The following ZFPM2 variants were observed in gnomAD, a reference collection of about 807,000 sequenced individuals.
The protein encoded by ZFPM2 is zinc finger protein ZFPM2.
ZFPM2 carries 20 observed loss-of-function variants against 98.6 expected under a neutral mutation model. The ratio of observed to expected loss-of-function variants is 0.20; its 90% CI spans 0.14 to 0.29. The LOEUF is 0.29. ZFPM2 is among the 10% of genes least tolerant of loss of function. The pLI, the probability that ZFPM2 is intolerant of heterozygous loss-of-function variation, is 1.00. For missense variants in ZFPM2, 1,310 were observed against 1,388.6 expected (o/e 0.94, Z 0.90); for synonymous variants, 518 against 502.7 (o/e 1.03, Z -0.41).
intron 5 of ZFPM2, among the ~76,000 whole-genome samples, chr8:105,735,910 A>T (rs1812059400): frequency 6.6e-6 from 1 of 152,020 alleles, no homozygotes; most frequent in Non-Finnish European, 1.5e-5. Flanking sequence ...AGGGAAAGCA[A>T]GCTAGCACCT....
chr8:105,556,998 AC>A (rs1815010074), intron 3 of ZFPM2, among the ~76,000 whole-genome samples: 1 of 152,244 alleles, frequency 6.6e-6, no homozygotes, highest in Non-Finnish European at 1.5e-5. Flanking sequence ...TGCTAGTATT[AC>A]AGGCCTGAGC....
intron 3 of ZFPM2, among the ~76,000 whole-genome samples, chr8:105,487,892 GTCTATCTA>G (rs752314176): frequency 5.6e-4 from 58 of 103,446 alleles, no homozygotes; most frequent in South Asian, 1.7e-3. Flanking sequence ...AAGTCTGTCT[GTCTATCTA>G]TCTATCTATC....
Position 105,322,570 on chromosome 8 carries a change from T to C in ZFPM2, c.40+3589T>C, listed in dbSNP as rs536929436. On this transcript the variant is annotated intron_variant, in intron 1 of 7. Transcript: ENST00000407775. ...GTATAAGATTAGGAAAAGGCACTCT[T>C]CTTTATACCATAAAAGTAGAGTTTT... Among the ~76,000 whole-genome samples, 5 of 152,246 alleles carry C rather than the reference T, an allele frequency of 3.3e-5. No homozygotes were observed. The East Asian group carries it at 9.7e-4, about 29-fold the overall frequency.
rs192139001 is a variant in ZFPM2 at position 105,535,174 on chromosome 8, G to A, written c.302-26189G>A. On this transcript the variant is annotated intron_variant, in intron 3 of 7. Transcript: ENST00000407775. ...TAAATAAATAACTACTTTATGTTAC[G>A]ATCCAGATTTCCATAGAAGCTTCAT... Among the ~76,000 whole-genome samples, 18 of 152,226 alleles carry A rather than the reference G, an allele frequency of 1.2e-4. No homozygotes were observed. In the East Asian group the frequency reaches 3.1e-3, roughly 26 times the overall value.
intron 2 of ZFPM2, among the ~76,000 whole-genome samples, chr8:105,444,068 CTTCA>C (rs1563661542): frequency 1.3e-5 from 2 of 152,146 alleles, no homozygotes; most frequent in African/African-American, 2.4e-5. Flanking sequence ...TAGTACTTAA[CTTCA>C]TTCATTTATT....
Position 105,318,800 on chromosome 8 carries a change from GC to G in ZFPM2, c.-139del, listed in dbSNP as rs1462002069. 2 of 265,976 alleles carry G rather than the reference GC, an allele frequency of 7.5e-6. No individual in the cohort carries two copies. Among genetic ancestry groups the G allele is most frequent in the Non-Finnish European group, 1.2e-5 (2 of 173,698 alleles). 16.5% of individuals were successfully genotyped at this position (265,976 alleles called of 1,614,324 possible). On this transcript the variant is annotated 5_prime_UTR_variant, in exon 1 of 8. Coordinates refer to ENST00000407775, the MANE Select transcript of ZFPM2 (RefSeq NM_012082.4). ...TCCGCGGCTCCCGGAGGAGCCCAGCGCCCGGAGCACCTGGAGTCCGGCCGGC... is the reference window on the plus strand; with the variant it reads ...TCCGCGGCTCCCGGAGGAGCCCAGCGCCGGAGCACCTGGAGTCCGGCCGGC...
intron 1 of ZFPM2, among the ~76,000 whole-genome samples, chr8:105,394,185 G>A (rs1285991446): frequency 1.3e-5 from 2 of 152,010 alleles, no homozygotes; most frequent in Admixed American, 6.6e-5. Flanking sequence ...GAGCCACCGC[G>A]CCCAGCCATA....
intron 3 of ZFPM2, among the ~76,000 whole-genome samples, chr8:105,531,157 T>C (rs181108778): frequency 2.0e-4 from 30 of 152,272 alleles, no homozygotes; most frequent in African/African-American, 6.5e-4. Context: ...AGGATGTTAA[T>C]TGAGCTACAT....
intron 1 of ZFPM2, among the ~76,000 whole-genome samples, chr8:105,408,299 T>G (rs1394446781): frequency 6.6e-6 from 1 of 151,902 alleles, no homozygotes; most frequent in Non-Finnish European, 1.5e-5. Context: ...TTTGAAGATA[T>G]GTTTTATAGG....
chr8:105,714,972 CAAGTGAACTTCTG>C (rs1449739160), intron 5 of ZFPM2, among the ~76,000 whole-genome samples: 32 of 152,158 alleles, frequency 2.1e-4, no homozygotes, highest in Admixed American at 1.2e-3. Context: ...CATTGATAAA[CAAGTGAACTTCTG>C]ATGTAGGTCT....
chr8:105,389,599 G>T (rs763377164), intron 1 of ZFPM2, among the ~76,000 whole-genome samples: 3 of 152,150 alleles, frequency 2.0e-5, no homozygotes, highest in African/African-American at 4.8e-5. Flanking sequence ...CAGAGAGAGA[G>T]AAAATCAGTT....
At chr8:105,356,138 C>G (rs1812742402) in intron 1 of ZFPM2, among the ~76,000 whole-genome samples, 2 of 152,178 alleles carry the variant, frequency 1.3e-5, no homozygotes. Flanking sequence ...CAGAATTCCT[C>G]CTTTTCTTGT....
At chr8:105,739,826 A>G (rs1228840496) in intron 5 of ZFPM2, among the ~76,000 whole-genome samples, 1 of 152,018 alleles carries the variant, frequency 6.6e-6, no homozygotes, top group Non-Finnish European at 1.5e-5. Flanking sequence ...GTTGGTGAAC[A>G]AAAAGTAGAC....
intron 5 of ZFPM2, among the ~76,000 whole-genome samples, chr8:105,763,564 A>C (rs1467151567): frequency 2.0e-5 from 3 of 151,848 alleles, no homozygotes; most frequent in African/African-American, 7.3e-5. Context: ...TCTGTGTTCA[A>C]CCTTGTGCTA....
chr8:105,752,237 T>G (rs1812494783), intron 5 of ZFPM2, among the ~76,000 whole-genome samples: 1 of 152,174 alleles, frequency 6.6e-6, no homozygotes, highest in African/African-American at 2.4e-5. Context: ...ACATATTGTT[T>G]GTAATGTTTC....
intron 1 of ZFPM2, among the ~76,000 whole-genome samples, chr8:105,327,689 A>G (rs1812139522): frequency 6.6e-6 from 1 of 151,788 alleles, no homozygotes; most frequent in Non-Finnish European, 1.5e-5. Flanking sequence ...CATTAAGATT[A>G]CCTAGTTTGG....
At chr8:105,702,936 T>C (rs1811172481) in intron 5 of ZFPM2, among the ~76,000 whole-genome samples, 6 of 152,180 alleles carry the variant, frequency 3.9e-5, no homozygotes, top group Admixed American at 3.9e-4. Flanking sequence ...CTTCGCATAG[T>C]GTAATCTAAT....
At chr8:105,505,281 G>A (rs529364020) in intron 3 of ZFPM2, among the ~76,000 whole-genome samples, 20 of 152,106 alleles carry the variant, frequency 1.3e-4, no homozygotes, top group Non-Finnish European at 1.8e-4. Context: ...ATGGTTACTA[G>A]TACTACTAGT....
intron 5 of ZFPM2, among the ~76,000 whole-genome samples, chr8:105,635,037 C>G (rs1408680907): frequency 6.6e-6 from 1 of 152,178 alleles, no homozygotes; most frequent in Non-Finnish European, 1.5e-5. Flanking sequence ...CAGGACCTTC[C>G]TCACGTGTGG....
Sources: allele counts gnomAD v4.1 joint callset (sites outside exome capture counted in the v4.1 genomes callset), GRCh38; gene constraint gnomAD v4.1.1; transcripts MANE v1.5; gene names NCBI Gene and HGNC (gene_info 2026-07-23, HGNC 2026-07-21).